Variants in STON2 observed in about 807,000 individuals in gnomAD.
STON2 encodes the protein stonin-2.
In STON2, 29 loss-of-function variants were observed where a neutral mutation model predicts 65.7. The observed-to-expected ratio is 0.44, with a 90% CI of 0.33 to 0.60. The LOEUF (loss-of-function observed/expected upper bound fraction) is 0.60, where lower values mean the gene tolerates loss of function less well. STON2 is among the 20% of genes least tolerant of loss of function. STON2 has a pLI of 0.03. For synonymous variants in STON2, 404 were observed against 414.2 expected, an observed-to-expected ratio of 0.98 and a Z score of 0.30; for missense variants, 1,054 against 1,118.1, an observed-to-expected ratio of 0.94 and a Z score of 0.82.
chr14:81,316,802 C>A (rs575699731), intron 5 of STON2, among the ~76,000 whole-genome samples: 2 of 152,096 alleles, frequency 1.3e-5, no homozygotes, highest in African/African-American at 4.8e-5. Context: ...GGGTGGATCA[C>A]GAGGTCAAGA....
At position 81,398,677 on chromosome 14, in the gene STON2, A is replaced by C. The variant is rs567627546; in HGVS notation, c.-198-97T>G. The C allele has an allele frequency of 1.2e-5, 3 of 258,506 alleles. No homozygotes were observed. The East Asian group carries it at 2.1e-4, about 18-fold the overall frequency. The allele number at this position is 258,506 out of a possible 1,614,324, so 16.0% of individuals were successfully genotyped here. A position where few individuals can be genotyped will look rare whatever the true frequency, so the allele number is the denominator to read the frequency against. On this transcript the variant is annotated intron_variant, in intron 1 of 7. Transcript: ENST00000614646. ...AGGGCTTTTAGCGCTGCCCACAAGAAGGCTTGGGGTGGTTTCCAACTTGCC... is the reference window on the plus strand; with the variant it reads ...AGGGCTTTTAGCGCTGCCCACAAGACGGCTTGGGGTGGTTTCCAACTTGCC...
chr14:81,303,131 T>A (rs1274215822), intron 5 of STON2, among the ~76,000 whole-genome samples: 1 of 151,662 alleles, frequency 6.6e-6, no homozygotes. Context: ...AGAAAATGTG[T>A]ATTGGGTGAG....
intron 4 of STON2, among the ~76,000 whole-genome samples, chr14:81,325,261 G>C (rs916714679): frequency 2.0e-5 from 3 of 152,144 alleles, no homozygotes; most frequent in Non-Finnish European, 4.4e-5. Flanking sequence ...TGCAATAAAA[G>C]GGGGAAAATG....
intron 3 of STON2, among the ~76,000 whole-genome samples, chr14:81,393,693 C>T (rs1458115802): frequency 6.6e-6 from 1 of 152,182 alleles, no homozygotes; most frequent in African/African-American, 2.4e-5. Context: ...AATAAGTATG[C>T]AGTAAATGTA....
chr14:81,303,214 T>C (rs1463863507), intron 5 of STON2, among the ~76,000 whole-genome samples: 2 of 152,130 alleles, frequency 1.3e-5, no homozygotes, highest in Admixed American at 1.3e-4. Flanking sequence ...GTCTACCTTG[T>C]TAGTAGACCA....
chr14:81,354,685 T>C (rs952187499), intron 4 of STON2, among the ~76,000 whole-genome samples: 3 of 151,688 alleles, frequency 2.0e-5, no homozygotes, highest in African/African-American at 2.4e-5. Context: ...CAACAAAAAA[T>C]AGAAATCCTA....
intron 1 of STON2, among the ~76,000 whole-genome samples, 62 bp downstream of exon 1, chr14:81,400,217 A>T (rs776698681): frequency 9.2e-5 from 14 of 152,110 alleles, no homozygotes; most frequent in Non-Finnish European, 1.9e-4. Context: ...ATCCTTGCCA[A>T]CCACAAGGCC....
chr14:81,399,418 A>G (rs1278699868), intron 1 of STON2, among the ~76,000 whole-genome samples: 1 of 152,218 alleles, frequency 6.6e-6, no homozygotes. Context: ...ATCAGTTCTT[A>G]TTAACTAAAT....
At chr14:81,380,831 G>C (rs1370829038) in intron 3 of STON2, among the ~76,000 whole-genome samples, 1 of 152,094 alleles carries the variant, frequency 6.6e-6, no homozygotes, top group Admixed American at 6.5e-5. Context: ...GAGGGTGGAG[G>C]GTGGGAGGAG....
chr14:81,272,952 A>C (rs1045979287), intron 6 of STON2, among the ~76,000 whole-genome samples: 1 of 152,232 alleles, frequency 6.6e-6, no homozygotes, highest in African/African-American at 2.4e-5. Flanking sequence ...GCTGGAAATA[A>C]GATTCAGAGA....
At chr14:81,269,816 C>A in intron 7 of STON2, 1 of 985,446 alleles carries the variant, frequency 1.0e-6, no homozygotes, top group Non-Finnish European at 1.2e-6. Flanking sequence ...GAAAGTATCA[C>A]TTTCTATTTA....
At chr14:81,352,244 T>C (rs924530917) in intron 4 of STON2, among the ~76,000 whole-genome samples, 1 of 152,136 alleles carries the variant, frequency 6.6e-6, no homozygotes, top group Non-Finnish European at 1.5e-5. Context: ...CAAGTAGCAA[T>C]GATAAAAGAT....
At chr14:81,378,048 T>A (rs1294112965) in intron 3 of STON2, among the ~76,000 whole-genome samples, 2 of 152,116 alleles carry the variant, frequency 1.3e-5, no homozygotes. Flanking sequence ...AGTTTCACCA[T>A]GTTGGTCAGG....
At chr14:81,420,182 G>A (rs1046987878) in intron 2 of STON2, among the ~76,000 whole-genome samples, 3 of 152,200 alleles carry the variant, frequency 2.0e-5, no homozygotes, top group Non-Finnish European at 1.5e-5. Flanking sequence ...TAGTAGCCTC[G>A]GATGGCCGAA....
intron 4 of STON2, among the ~76,000 whole-genome samples, chr14:81,362,777 A>T (rs1898552568): frequency 6.6e-6 from 1 of 152,214 alleles, no homozygotes; most frequent in African/African-American, 2.4e-5. Context: ...CTTATAATTT[A>T]AAAATTTTAA....
chr14:81,431,197 T>C (rs1202124624), intron 1 of STON2, among the ~76,000 whole-genome samples: 1 of 152,220 alleles, frequency 6.6e-6, no homozygotes, highest in Non-Finnish European at 1.5e-5. Context: ...CACAGAATCC[T>C]GGGGGAGTTT....
chr14:81,332,975 C>T (rs1048853352), intron 4 of STON2: 10 of 481,176 alleles, frequency 2.1e-5, no homozygotes, highest in African/African-American at 1.4e-4. Flanking sequence ...TTCTTTTTAG[C>T]GACACCAACT....
chr14:81,382,316 G>C (rs1899564853), intron 3 of STON2, among the ~76,000 whole-genome samples: 1 of 152,102 alleles, frequency 6.6e-6, no homozygotes, highest in South Asian at 2.1e-4. Flanking sequence ...GGAACACAGA[G>C]TAATAAAAAC....
Position 81,277,896 on chromosome 14 carries a change from C to T in STON2, c.1586G>A (p.Arg529His), listed in dbSNP as rs766834825. Residue 529 changes from arginine (R) to histidine (H), a missense_variant, in exon 6 of 8, where the codon CGT becomes CAT. Arg to His is a conservative substitution (Grantham distance 29). Transcript: ENST00000614646. ...YYEQGLEKPFREFKLEICHEI... is the reference protein window; with the variant it reads ...YYEQGLEKPFHEFKLEICHEI... ...ATGACAGATCTCCAGCTTGAACTCA[C>T]GGAATGGTTTTTCTAGGCCCTGCTC... 31 of 1,614,050 alleles carry T rather than the reference C, an allele frequency of 1.9e-5. No homozygotes were observed. The highest frequency in any genetic ancestry group is 3.3e-4 in the Middle Eastern group (2 of 6,084).
Sources: gnomAD v4.1 joint callset for allele counts (sites outside exome capture counted in the v4.1 genomes callset) on GRCh38, gnomAD v4.1.1 for gene constraint, MANE v1.5 for transcripts, NCBI Gene and HGNC (gene_info 2026-07-23, HGNC 2026-07-21) for gene names.